The following SLC25A21 variants were observed in gnomAD, a reference collection of about 807,000 sequenced individuals.
The protein encoded by SLC25A21 is solute carrier family 25 member 21.
In SLC25A21, 47 loss-of-function variants were observed where a neutral mutation model predicts 43.8. The observed-to-expected ratio is 1.07, with a 90% confidence interval of 0.85 to 1.37. The LOEUF is 1.37. SLC25A21 is among the 40% of genes most tolerant of loss of function. The probability of loss-of-function intolerance (pLI) is 0.00; values close to 1 mark genes in which losing one functional copy is unlikely to be tolerated. For missense variants in SLC25A21, 352 were observed against 350.2 expected (o/e 1.00, Z -0.04); for synonymous variants, 131 against 121.3 (o/e 1.08, Z -0.52).
chr14:37,119,409 C>CGTGGTGGT (rs767884682), intron 1 of SLC25A21, among the ~76,000 whole-genome samples: 1 of 151,840 alleles, frequency 6.6e-6, no homozygotes, highest in African/African-American at 2.4e-5. Flanking sequence ...ATTATCCAGG[C>CGTGGTGGT]GTGGTGGTGT....
chr14:36,977,167 T>C (rs539486309), intron 1 of SLC25A21, among the ~76,000 whole-genome samples: 1 of 152,356 alleles, frequency 6.6e-6, no homozygotes, highest in South Asian at 2.1e-4. Flanking sequence ...CCATCCTCTT[T>C]AATTTATTTT....
chr14:36,712,310 T>C (rs1028291789), intron 6 of SLC25A21, among the ~76,000 whole-genome samples: 1 of 151,808 alleles, frequency 6.6e-6, no homozygotes, highest in African/African-American at 2.4e-5. Context: ...ATCTCTCTCA[T>C]ATTTTCACTG....
rs753770670 is a variant in SLC25A21 at position 36,882,579 on chromosome 14, T to G, written c.71-7575A>C. On this transcript the variant is annotated intron_variant, in intron 1 of 9. Transcript: ENST00000331299. ...GAGAAGAGGGAGCATTTATCTTTAC[T>G]CACTGAATAAATTACATCAAATACC... Among the ~76,000 whole-genome samples the G allele has an allele frequency of 1.3e-4, 20 of 152,054 alleles. No individual in the cohort carries two copies. In the South Asian group the frequency reaches 3.7e-3, roughly 28 times the overall value.
intron 1 of SLC25A21, among the ~76,000 whole-genome samples, chr14:37,019,879 A>C (rs926998729): frequency 1.3e-5 from 2 of 151,820 alleles, no homozygotes; most frequent in African/African-American, 2.4e-5. Flanking sequence ...GAAATTAAAG[A>C]TGTAAGATAT....
intron 1 of SLC25A21, among the ~76,000 whole-genome samples, chr14:36,990,339 T>A (rs1424236233): frequency 3.9e-5 from 6 of 152,168 alleles, no homozygotes; most frequent in Admixed American, 6.5e-5. Flanking sequence ...GATCTGTGGG[T>A]CTTTTTGCAG....
At chr14:36,937,910 A>G (rs183207215) in intron 1 of SLC25A21, among the ~76,000 whole-genome samples, 10 of 152,334 alleles carry the variant, frequency 6.6e-5, no homozygotes, top group African/African-American at 2.2e-4. Context: ...AAGGAACAAA[A>G]GTATACAATA....
intron 1 of SLC25A21, among the ~76,000 whole-genome samples, chr14:37,093,989 T>A (rs1594789371): frequency 6.6e-6 from 1 of 152,186 alleles, no homozygotes; most frequent in African/African-American, 2.4e-5. Flanking sequence ...TTTTGAAGAC[T>A]CTATTTTAGC....
intron 1 of SLC25A21, among the ~76,000 whole-genome samples, chr14:37,077,246 T>A (rs74045475): frequency 0.044 from 6,744 of 152,264 alleles, 489 homozygotes; most frequent in African/African-American, 0.15. Flanking sequence ...ACAGAAGACT[T>A]TGTATTACTT....
intron 2 of SLC25A21, among the ~76,000 whole-genome samples, chr14:36,819,033 T>A (rs1215640914): frequency 6.6e-6 from 1 of 152,198 alleles, no homozygotes; most frequent in African/African-American, 2.4e-5. Flanking sequence ...TCTGAGTAAC[T>A]TCTTTTATTA....
intron 1 of SLC25A21, among the ~76,000 whole-genome samples, chr14:37,055,992 A>G: frequency 6.6e-6 from 1 of 151,954 alleles, no homozygotes; most frequent in South Asian, 2.1e-4. Flanking sequence ...AGCACCATCT[A>G]CCTAGTGCAG....
At chr14:37,079,735 A>G (rs946240976) in intron 1 of SLC25A21, among the ~76,000 whole-genome samples, 1 of 152,190 alleles carries the variant, frequency 6.6e-6, no homozygotes, top group Non-Finnish European at 1.5e-5. Context: ...CAGTTCCTGG[A>G]ACCTGACAAA....
intron 3 of SLC25A21, among the ~76,000 whole-genome samples, chr14:36,798,497 T>G (rs545643505): frequency 6.6e-6 from 1 of 152,226 alleles, no homozygotes; most frequent in East Asian, 1.9e-4. Context: ...GAAACACTCA[T>G]TTTTGCTCAT....
intron 3 of SLC25A21, among the ~76,000 whole-genome samples, chr14:36,794,398 T>C (rs1887599245): frequency 6.6e-6 from 1 of 152,202 alleles, no homozygotes; most frequent in Non-Finnish European, 1.5e-5. Flanking sequence ...TGTTTCAGAC[T>C]GAAACAGGAT....
At chr14:36,799,160 T>C (rs1307056923) in intron 3 of SLC25A21, among the ~76,000 whole-genome samples, 1 of 152,080 alleles carries the variant, frequency 6.6e-6, no homozygotes, top group African/African-American at 2.4e-5. Flanking sequence ...GGAGGAGAGA[T>C]GGCCATCAAA....
chr14:36,760,486 C>A (rs1360371102), intron 3 of SLC25A21, among the ~76,000 whole-genome samples: 1 of 152,094 alleles, frequency 6.6e-6, no homozygotes, highest in Non-Finnish European at 1.5e-5. Context: ...TCCCTACTGA[C>A]CAAGGCCTCT....
chr14:37,063,326 C>G (rs112986920), intron 1 of SLC25A21, among the ~76,000 whole-genome samples: 7,321 of 151,972 alleles, frequency 0.048, 225 homozygotes, highest in African/African-American at 0.08. Context: ...ATGGTGAAAC[C>G]CCGTCTCTAC....
intron 1 of SLC25A21, among the ~76,000 whole-genome samples, chr14:36,926,278 AT>A (rs1190375587): frequency 7.2e-5 from 11 of 152,210 alleles, no homozygotes; most frequent in African/African-American, 2.7e-4. Context: ...CAAAGAATAA[AT>A]CATAGTGGAA....
At position 37,079,752 on chromosome 14, in the gene SLC25A21, G is replaced by T. The variant is rs182236398; in HGVS notation, c.70+92529C>A. Among the ~76,000 whole-genome samples the T allele has an allele frequency of 9.4e-3, 1,432 of 152,274 alleles. 11 individuals are homozygous for T. Among genetic ancestry groups the T allele is most frequent in the Middle Eastern group, 0.014 (4 of 294 alleles). On this transcript the variant is annotated intron_variant, in intron 1 of 9. Coordinates refer to ENST00000331299, the MANE Select transcript of SLC25A21 (RefSeq NM_030631.4). ...GTTCCTGGAACCTGACAAACATTCA[G>T]TTGGAACATGCCATTATCACTGCCT...
chr14:37,060,686 C>T (rs1961929320), intron 1 of SLC25A21, among the ~76,000 whole-genome samples: 1 of 152,084 alleles, frequency 6.6e-6, no homozygotes, highest in Non-Finnish European at 1.5e-5. Context: ...ATTTGGCCCA[C>T]TGCCCATCTT....
Sources: gnomAD v4.1 joint callset for allele counts (sites outside exome capture counted in the v4.1 genomes callset) on GRCh38, gnomAD v4.1.1 for gene constraint, MANE v1.5 for transcripts, NCBI Gene and HGNC (gene_info 2026-07-23, HGNC 2026-07-21) for gene names.